The following ZC3H3 variants were observed in gnomAD, a reference collection of about 807,000 sequenced individuals.
ZC3H3 encodes the protein zinc finger CCCH-type containing 3, also known as zinc finger CCCH domain-containing protein 3.
Under a neutral mutation model 77.3 loss-of-function variants are expected in ZC3H3, and 36 were observed. The ratio of observed to expected loss-of-function variants is 0.47; its 90% CI spans 0.36 to 0.61. The LOEUF (loss-of-function observed/expected upper bound fraction) is 0.61, where lower values mean the gene tolerates loss of function less well. ZC3H3 is among the 20% of genes least tolerant of loss of function. ZC3H3 has a pLI of 0.00. For missense variants in ZC3H3, 1,331 were observed against 1,312.2 expected (o/e 1.01, Z -0.22); for synonymous variants, 626 against 555.2 (o/e 1.13, Z -1.79).
chr8:143,438,947 G>C (rs1819654165), intron 11 of ZC3H3, among the ~76,000 whole-genome samples: 1 of 152,192 alleles, frequency 6.6e-6, no homozygotes. Context: ...CCTGCCCAGA[G>C]ACTGTCCCAG....
intron 5 of ZC3H3, among the ~76,000 whole-genome samples, chr8:143,472,173 C>T (rs532267671): frequency 7.2e-5 from 11 of 152,362 alleles, no homozygotes; most frequent in Admixed American, 1.3e-4. Context: ...TCCTTGCTGG[C>T]GTTGCTGAGG....
At chr8:143,503,024 C>T (rs149078834) in intron 4 of ZC3H3, among the ~76,000 whole-genome samples, 3 of 152,338 alleles carry the variant, frequency 2.0e-5, no homozygotes, top group African/African-American at 4.8e-5. Flanking sequence ...GCAACAGCCC[C>T]GTCCTGTGTA....
intron 4 of ZC3H3, among the ~76,000 whole-genome samples, chr8:143,497,568 A>C (rs552583969): frequency 1.7e-4 from 26 of 152,234 alleles, no homozygotes; most frequent in African/African-American, 6.0e-4. Context: ...TTTGGTGCTG[A>C]CTGCACCCAC....
chr8:143,529,888 C>G (rs1420549305), intron 3 of ZC3H3, among the ~76,000 whole-genome samples: 1 of 152,238 alleles, frequency 6.6e-6, no homozygotes, highest in African/African-American at 2.4e-5. Context: ...AAGAGTCACC[C>G]AGGCAGGACA....
chr8:143,537,756 G>A (rs896965), intron 2 of ZC3H3, among the ~76,000 whole-genome samples: 22,120 of 152,188 alleles, frequency 0.15, 1,719 homozygotes, highest in Admixed American at 0.21. Flanking sequence ...GTCTCTCACC[G>A]GCAGGAGAAA....
At chr8:143,526,972 T>C (rs577319573) in intron 3 of ZC3H3, among the ~76,000 whole-genome samples, 14 of 152,086 alleles carry the variant, frequency 9.2e-5, no homozygotes, top group Admixed American at 8.5e-4. Flanking sequence ...TGCCTGAAGA[T>C]AGACCCCTGA....
Position 143,440,077 on chromosome 8 carries a change from C to T in ZC3H3, c.2779G>A (p.Val927Ile). 6.3e-7 allele frequency: 1 copy of T among 1,592,102 alleles called. No homozygotes were observed. The highest frequency in any genetic ancestry group is 1.1e-5 in the South Asian group (1 of 88,268). ...SSPSPGAQPR[V>I]RAPRAPLTKD... ...GTGAGGGGGGCCCTAGGGGCCCGGA[C>T]CCTGGGCTGGGCTCCTGGGCTCGGC... Residue 927 changes from valine to isoleucine, a missense_variant, in exon 11 of 12, where the codon GTC becomes ATC. Physicochemically the swap from Val to Ile is conservative, Grantham distance 29. Transcript: ENST00000262577.
intron 4 of ZC3H3, among the ~76,000 whole-genome samples, chr8:143,500,392 C>T (rs969003077): frequency 1.2e-4 from 18 of 152,236 alleles, no homozygotes; most frequent in African/African-American, 4.3e-4. Context: ...CCTCCCCATG[C>T]CAGCCTGTAA....
At chr8:143,439,386 G>A (rs1436305597) in intron 11 of ZC3H3, among the ~76,000 whole-genome samples, 3 of 152,188 alleles carry the variant, frequency 2.0e-5, no homozygotes, top group African/African-American at 4.8e-5. Context: ...CCGTATGGTC[G>A]CAAATTTGCA....
In ZC3H3 at chr8:143,438,023, T is replaced by A. The variant is rs1586864381; in HGVS notation, c.*33A>T. 5 of 1,604,448 alleles carry A rather than the reference T, an allele frequency of 3.1e-6. No homozygotes were observed. The highest frequency in any genetic ancestry group is 4.3e-6 in the Non-Finnish European group (5 of 1,175,892). ...CCTCTTTCCTCTCCAAGGATGAGGG[T>A]CTGAGGTAGGTGCAGGCCGGTCCCT... On this transcript the variant is annotated 3_prime_UTR_variant, in exon 12 of 12. Transcript: ENST00000262577.
chr8:143,540,318 G>C (rs989416803), intron 1 of ZC3H3, among the ~76,000 whole-genome samples: 1 of 151,554 alleles, frequency 6.6e-6, no homozygotes, highest in African/African-American at 2.4e-5. Context: ...ACTGCAGCCG[G>C]GACCTCCAGG....
Position 143,486,462 on chromosome 8 carries a change from G to T in ZC3H3, c.1716-10877C>A, listed in dbSNP as rs192864100. Reference sequence around the variant, plus strand: ...GCCCCTGGTGGCACTTTTTATTCTTGTAAGGACATTAGTCCTAGTGGATCA... The same window carrying T: ...GCCCCTGGTGGCACTTTTTATTCTTTTAAGGACATTAGTCCTAGTGGATCA... On this transcript the variant is annotated intron_variant, in intron 4 of 11. Coordinates refer to ENST00000262577, the MANE Select transcript of ZC3H3 (RefSeq NM_015117.3). Among the ~76,000 whole-genome samples the T allele has an allele frequency of 7.9e-5, 12 of 152,318 alleles. 1 individual carries two copies. In the East Asian group the frequency reaches 2.1e-3, roughly 27 times the overall value.
At chr8:143,473,162 T>G (rs72691447) in intron 5 of ZC3H3, among the ~76,000 whole-genome samples, 1 of 152,280 alleles carries the variant, frequency 6.6e-6, no homozygotes, top group Admixed American at 6.5e-5. Flanking sequence ...TTTCTGAATG[T>G]GGGTGCAGTG....
chr8:143,498,960 G>A (rs1221503873), intron 4 of ZC3H3, among the ~76,000 whole-genome samples: 1 of 145,994 alleles, frequency 6.8e-6, no homozygotes, highest in African/African-American at 2.5e-5. Flanking sequence ...ACAGGGCGGG[G>A]AAGAGGGGCA....
chr8:143,532,969 TGCCTGCTTGAGA>T (rs1822667338), intron 3 of ZC3H3, among the ~76,000 whole-genome samples: 1 of 152,150 alleles, frequency 6.6e-6, no homozygotes, highest in South Asian at 2.1e-4. Context: ...ACGGGCTCCC[TGCCTGCTTGAGA>T]GCCTGCGGAC....
At chr8:143,521,016 C>T (rs1243655092) in intron 3 of ZC3H3, among the ~76,000 whole-genome samples, 3 of 152,234 alleles carry the variant, frequency 2.0e-5, no homozygotes, top group Non-Finnish European at 4.4e-5. Flanking sequence ...GGTAGACGGC[C>T]CGCCCGGCCC....
At chr8:143,527,535 C>T (rs768669893) in intron 3 of ZC3H3, among the ~76,000 whole-genome samples, 31 of 152,206 alleles carry the variant, frequency 2.0e-4, no homozygotes, top group Non-Finnish European at 3.8e-4. Context: ...CCACAACCCA[C>T]GCAAAACTGG....
At chr8:143,521,828 G>C (rs1300714835) in intron 3 of ZC3H3, among the ~76,000 whole-genome samples, 1 of 152,326 alleles carries the variant, frequency 6.6e-6, no homozygotes, top group South Asian at 2.1e-4. Flanking sequence ...GAACAGGAGG[G>C]AGGGTTTTTC....
intron 9 of ZC3H3, among the ~76,000 whole-genome samples, chr8:143,465,474 C>T (rs1274481477): frequency 6.6e-6 from 1 of 152,218 alleles, no homozygotes; most frequent in Non-Finnish European, 1.5e-5. Flanking sequence ...AGTGCTGCAC[C>T]TGGAAGTCTA....
Sources: gnomAD v4.1 joint callset for allele counts (sites outside exome capture counted in the v4.1 genomes callset) on GRCh38, gnomAD v4.1.1 for gene constraint, MANE v1.5 for transcripts, NCBI Gene and HGNC (gene_info 2026-07-23, HGNC 2026-07-21) for gene names.